The following MAOA variants were observed in gnomAD, a reference collection of about 807,000 sequenced individuals.
MAOA encodes monoamine oxidase A.
A neutral mutation model predicts 42.0 loss-of-function variants in MAOA; 6 were observed. That is an observed-to-expected ratio of 0.14 (90% CI 0.08 to 0.28). The LOEUF (loss-of-function observed/expected upper bound fraction) is 0.28, where lower values mean the gene tolerates loss of function less well. Ranked by LOEUF, MAOA falls within the 10% of genes least tolerant of loss-of-function variation. The probability of loss-of-function intolerance (pLI) is 1.00; values close to 1 mark genes in which losing one functional copy is unlikely to be tolerated. For missense variants in MAOA, 262 were observed against 422.3 expected, an observed-to-expected ratio of 0.62 and a Z score of 3.33; for synonymous variants, 140 against 154.0, an observed-to-expected ratio of 0.91 and a Z score of 0.67.
At chrX:43,680,206 G>A (rs1228903417) in intron 1 of MAOA, among the ~76,000 whole-genome samples, 1 of 111,428 alleles carries the variant, frequency 9.0e-6, no homozygotes, top group Non-Finnish European at 1.9e-5. Flanking sequence ...TTTAGATCTT[G>A]TAGACCCAAA....
Position 43,744,556 on chromosome X carries a change from C to T in MAOA, c.*43C>T. Reference sequence around the variant, plus strand: ...CTCTGCTCACTGGTTTTCAATACCACCAAGAGGAAAATATTGACAAGTTTA... The same window carrying T: ...CTCTGCTCACTGGTTTTCAATACCATCAAGAGGAAAATATTGACAAGTTTA... On this transcript the variant is annotated 3_prime_UTR_variant, in exon 15 of 15. Transcript: ENST00000338702. The T allele has an allele frequency of 8.5e-7, 1 of 1,181,943 alleles. No homozygotes were observed.
intron 1 of MAOA, among the ~76,000 whole-genome samples, chrX:43,682,994 T>G (rs1293192130): frequency 8.9e-6 from 1 of 112,060 alleles, no homozygotes; most frequent in Non-Finnish European, 1.9e-5. Flanking sequence ...TTATGGTAAC[T>G]TAGAAACTAG....
rs771370365 is a variant in MAOA at position 43,744,524 on chromosome X, T to G, written c.*11T>G. 2.5e-6 allele frequency: 3 copies of G among 1,208,239 alleles called. No individual in the cohort carries two copies. In the South Asian group the frequency reaches 5.3e-5, roughly 21 times the overall value. On this transcript the variant is annotated 3_prime_UTR_variant, in exon 15 of 15. Transcript: ENST00000338702. ...CTGCCACGGTCTTGAAGTTCTGTTC[T>G]TATGCTCTCTGCTCACTGGTTTTCA...
At chrX:43,717,917 A>G (rs2033757441) in intron 5 of MAOA, among the ~76,000 whole-genome samples, 1 of 109,779 alleles carries the variant, frequency 9.1e-6, no homozygotes, top group South Asian at 3.9e-4. Context: ...CAAGGGGGAG[A>G]CAAGGCAGAC....
chrX:43,728,218 C>G lies in MAOA; in HGVS notation c.549C>G (p.Thr183=). ...FAYLFVNINV[T]SEPHEVSALW... ...ATCTTTTTGTGAATATCAATGTGAC[C>G]TCTGAGCCTCACGAAGTGTCTGCCC... is the stretch of plus-strand genomic sequence containing the variant. The change falls in exon 6 of 15, where the codon ACC becomes ACG. Residue 183 remains threonine, a synonymous_variant. Transcript: ENST00000338702. 1.7e-6 allele frequency: 2 copies of G among 1,209,881 alleles called. No individual in the cohort carries two copies. Among genetic ancestry groups the G allele is most frequent in the Non-Finnish European group, 2.2e-6 (2 of 894,000 alleles).
intron 2 of MAOA, among the ~76,000 whole-genome samples, chrX:43,686,585 G>A (rs1383950096): frequency 1.8e-5 from 2 of 112,107 alleles, no homozygotes; most frequent in African/African-American, 6.5e-5. Context: ...GATCACTTGA[G>A]CTTGGGAGTT....
chrX:43,668,972 T>A (rs1390437124), intron 1 of MAOA, among the ~76,000 whole-genome samples: 1 of 111,838 alleles, frequency 8.9e-6, no homozygotes, highest in Non-Finnish European at 1.9e-5. Flanking sequence ...TGTTCAAATC[T>A]TCTATTGTGT....
intron 3 of MAOA, among the ~76,000 whole-genome samples, chrX:43,701,732 C>T (rs1166862272): frequency 8.9e-6 from 1 of 112,092 alleles, no homozygotes; most frequent in Non-Finnish European, 1.9e-5. Context: ...TGTAGTGCCT[C>T]AGTATTTGGG....
intron 10 of MAOA, among the ~76,000 whole-genome samples, 161 bp from the exon 11 acceptor site, chrX:43,740,520 G>A (rs1225893986): frequency 1.8e-5 from 2 of 111,848 alleles, no homozygotes; most frequent in Non-Finnish European, 3.8e-5. Context: ...GGGATTCATG[G>A]AAATGTTCAT....
rs368201051 is a variant in MAOA, at chrX:43,731,298, G to A, written c.703G>A (p.Gly235Arg). The change falls in exon 7 of 15, where the codon GGA becomes AGA. Residue 235 changes from glycine to arginine, a missense_variant. Around this residue, in one of 3 missense-constraint regions of MAOA, gnomAD observed 141 missense variants for 195.6 expected, o/e 0.72. Coordinates refer to ENST00000338702, the MANE Select transcript of MAOA (RefSeq NM_000240.4). The part of the protein sequence containing the change: ...QVSERIMDLL[G>R]DQVKLNHPVT... ...GAGCGAACGGATAATGGACCTCCTC[G>A]GAGACCAAGTGAAGCTGAACCATCC... 46 of 1,207,480 alleles carry A rather than the reference G, an allele frequency of 3.8e-5. No homozygotes were observed. The South Asian group carries it at 5.3e-4, about 14-fold the overall frequency.
upstream of MAOA, chrX:43,655,858 C>T (rs1264352505): frequency 6.3e-6 from 1 of 158,804 alleles, no homozygotes; most frequent in African/African-American, 3.1e-5. Flanking sequence ...CAGTGTCCAG[C>T]TTCCCCTGGG....
intron 1 of MAOA, among the ~76,000 whole-genome samples, chrX:43,683,100 A>C (rs1164711877): frequency 8.9e-6 from 1 of 111,869 alleles, no homozygotes; most frequent in Non-Finnish European, 1.9e-5. Context: ...AAGCATAGCT[A>C]TACTGAGACC....
chrX:43,673,140 A>T (rs991843798), intron 1 of MAOA, among the ~76,000 whole-genome samples: 5 of 110,848 alleles, frequency 4.5e-5, no homozygotes, highest in Admixed American at 2.9e-4. Flanking sequence ...CTATTCAGAG[A>T]TTCAACTTCT....
At chrX:43,740,152 GA>G (rs1163237892) in intron 10 of MAOA, among the ~76,000 whole-genome samples, 3 of 112,053 alleles carry the variant, frequency 2.7e-5, no homozygotes, top group Non-Finnish European at 5.6e-5. Flanking sequence ...TTCCTAGACT[GA>G]AATGACTGTA....
intron 1 of MAOA, among the ~76,000 whole-genome samples, chrX:43,673,847 A>G (rs1400770699): frequency 8.9e-6 from 1 of 111,774 alleles, no homozygotes; most frequent in African/African-American, 3.3e-5. Context: ...ACATTTGCTG[A>G]GGAGAGCTTT....
chrX:43,734,552 C>G (rs2033906632), intron 9 of MAOA, among the ~76,000 whole-genome samples: 1 of 111,800 alleles, frequency 8.9e-6, no homozygotes, highest in Non-Finnish European at 1.9e-5. Context: ...ACACTTGCCT[C>G]CACCCTGCTC....
intron 5 of MAOA, among the ~76,000 whole-genome samples, chrX:43,724,076 G>T (rs2033813131): frequency 9.0e-6 from 1 of 111,650 alleles, no homozygotes; most frequent in African/African-American, 3.3e-5. Flanking sequence ...GCTGGATTTG[G>T]TTTGCTAGTA....
At chrX:43,707,625 A>C (rs1489509470) in intron 3 of MAOA, among the ~76,000 whole-genome samples, 1 of 112,115 alleles carries the variant, frequency 8.9e-6, no homozygotes. Flanking sequence ...ATCCTATTTA[A>C]TGGGTCTCTT....
chrX:43,676,265 C>A (rs1286197902), intron 1 of MAOA, among the ~76,000 whole-genome samples: 1 of 112,143 alleles, frequency 8.9e-6, no homozygotes, highest in African/African-American at 3.2e-5. Flanking sequence ...GGGATTTAAT[C>A]TCCTGGTGTG....
Sources: gnomAD v4.1 joint callset for allele counts (sites outside exome capture counted in the v4.1 genomes callset) on GRCh38, gnomAD v4.1.1 for gene constraint, gnomAD v4.1.1 regional missense constraint, MANE v1.5 for transcripts, NCBI Gene and HGNC (gene_info 2026-07-23, HGNC 2026-07-21) for gene names.